Variants in RPS6KA1 observed in about 807,000 individuals in gnomAD.
RPS6KA1 encodes the protein ribosomal protein S6 kinase alpha-1.
In RPS6KA1, 48 loss-of-function variants were observed where a neutral mutation model predicts 91.3. The ratio of observed to expected loss-of-function variants is 0.53; its 90% CI spans 0.42 to 0.67. RPS6KA1 has a LOEUF of 0.67. RPS6KA1 is among the 30% of genes least tolerant of loss of function. The probability of loss-of-function intolerance (pLI) is 0.00; values close to 1 mark genes in which losing one functional copy is unlikely to be tolerated. For synonymous variants in RPS6KA1, 359 were observed against 384.7 expected, an observed-to-expected ratio of 0.93 and a Z score of 0.78; for missense variants, 719 against 960.5, an observed-to-expected ratio of 0.75 and a Z score of 3.32.
intron 14 of RPS6KA1, among the ~76,000 whole-genome samples, chr1:26,559,174 T>C (rs1337925418): frequency 6.6e-6 from 1 of 152,066 alleles, no homozygotes; most frequent in Non-Finnish European, 1.5e-5. Context: ...TGTCAGGAGG[T>C]GCCCAGGGTG....
chr1:26,561,452 G>A lies in RPS6KA1; in HGVS notation c.1432-53G>A, dbSNP rs2076153478. On this transcript the variant is annotated intron_variant, in intron 16 of 21. Coordinates refer to ENST00000374168, the MANE Select transcript of RPS6KA1 (RefSeq NM_002953.4). The surrounding 1 kb of genome is among the most constrained non-coding windows in gnomAD (Gnocchi z 5.7). ...CCTGCTCTGGGGCGCTGCTGACCAGGGGGCTCAGGCCTGACACTGGGGAGA... is the reference window on the plus strand; with the variant it reads ...CCTGCTCTGGGGCGCTGCTGACCAGAGGGCTCAGGCCTGACACTGGGGAGA... The A allele has an allele frequency of 8.1e-6, 13 of 1,611,650 alleles. No homozygotes were observed. The highest frequency in any genetic ancestry group is 9.3e-6 in the Non-Finnish European group (11 of 1,178,028).
chr1:26,529,998 CG>C lies in RPS6KA1; in HGVS notation c.63+20del. ...TGGACCCGGAGGTGAGTGAGCGGGGCGGGGGACGGGCGCCCGCGGCCGGCGA... is the reference window on the plus strand; with the variant it reads ...TGGACCCGGAGGTGAGTGAGCGGGGCGGGGACGGGCGCCCGCGGCCGGCGA... On this transcript the variant is annotated intron_variant, in intron 1 of 21. Coordinates refer to ENST00000374168, the MANE Select transcript of RPS6KA1 (RefSeq NM_002953.4). The surrounding 1 kb of genome is among the most constrained non-coding windows in gnomAD (Gnocchi z 4.2). 3.0e-6 allele frequency: 4 copies of C among 1,343,300 alleles called. No homozygotes were observed. The highest frequency in any genetic ancestry group is 6.7e-5 in the Admixed American group (2 of 29,986). 83.2% of individuals were successfully genotyped at this position (1,343,300 alleles called of 1,614,324 possible). A position where few individuals can be genotyped will look rare whatever the true frequency, so the allele number is the denominator to read the frequency against.
At position 26,555,751 on chromosome 1, in the gene RPS6KA1, CG is replaced by C; in HGVS notation, c.916+129del. ...TCCTTTGTGTGGGCAGACAATGCCG[CG>C]GGCCACCCTGCTTTCTGGCTCCATG... On this transcript the variant is annotated intron_variant, in intron 11 of 21. Transcript: ENST00000374168. This position sits in a 1 kb window ranked among gnomAD's most constrained non-coding sequence, Gnocchi z 4.3. The C allele has an allele frequency of 1.1e-6, 1 of 901,734 alleles. No individual in the cohort carries two copies. Among genetic ancestry groups the C allele is most frequent in the Non-Finnish European group, 1.8e-6 (1 of 566,786 alleles). 55.9% of individuals were successfully genotyped at this position (901,734 alleles called of 1,614,324 possible).
chr1:26,548,933 T>G (rs1202964260), intron 4 of RPS6KA1, among the ~76,000 whole-genome samples: 1 of 151,856 alleles, frequency 6.6e-6, no homozygotes, highest in Non-Finnish European at 1.5e-5. Flanking sequence ...CAGCCCTGTG[T>G]GCTGACATAG....
At chr1:26,570,984 A>G (rs1310968761) in intron 17 of RPS6KA1, among the ~76,000 whole-genome samples, 2 of 150,716 alleles carry the variant, frequency 1.3e-5, no homozygotes, top group Non-Finnish European at 1.5e-5. Context: ...TCAGCCAGCC[A>G]TGGCGGCGGG....
rs1418872182 is a variant in RPS6KA1, at chr1:26,574,847, CCA to C, written c.*647_*648del. 4.8e-6 allele frequency: 1 copy of C among 208,260 alleles called. No homozygotes were observed. The highest frequency in any genetic ancestry group is 1.0e-5 in the Non-Finnish European group (1 of 100,256). 12.9% of individuals were successfully genotyped at this position (208,260 alleles called of 1,614,324 possible). On this transcript the variant is annotated 3_prime_UTR_variant, in exon 22 of 22. Transcript: ENST00000374168. The surrounding 1 kb of genome is among the most constrained non-coding windows in gnomAD (Gnocchi z 4.3). The stretch of plus-strand genomic sequence containing the variant: ...TCCCCTGCGGTCAGGCTGGGCAGCC[CCA>C]GAGAGAGGATGTGGAAAGCACTTTT...
At chr1:26,573,785 A>G (rs2076271129) in intron 21 of RPS6KA1, among the ~76,000 whole-genome samples, 1 of 152,048 alleles carries the variant, frequency 6.6e-6, no homozygotes, top group Non-Finnish European at 1.5e-5. Flanking sequence ...TAAAAATACA[A>G]AAATTAGCCA....
chr1:26,570,408 A>C (rs2076239345), intron 17 of RPS6KA1, among the ~76,000 whole-genome samples: 1 of 152,146 alleles, frequency 6.6e-6, no homozygotes, highest in Non-Finnish European at 1.5e-5. Flanking sequence ...GGATCACTTG[A>C]GCTCAGAGAT....
intron 1 of RPS6KA1, among the ~76,000 whole-genome samples, chr1:26,535,158 C>T (rs977620579): frequency 6.6e-6 from 1 of 152,106 alleles, no homozygotes; most frequent in African/African-American, 2.4e-5. Context: ...CCTGACCAAC[C>T]CATCCCTTCT....
At chr1:26,545,768 C>G in intron 2 of RPS6KA1, 1 of 1,296,710 alleles carries the variant, frequency 7.7e-7, no homozygotes, top group Non-Finnish European at 1.0e-6. Context: ...ACCACAGGCC[C>G]TGAGTGATTG....
chr1:26,533,149 G>A (rs2075879851), intron 1 of RPS6KA1, among the ~76,000 whole-genome samples: 2 of 152,026 alleles, frequency 1.3e-5, no homozygotes, highest in African/African-American at 4.8e-5. Flanking sequence ...GCGTGATCTC[G>A]GCTCACTGCA....
intron 2 of RPS6KA1, among the ~76,000 whole-genome samples, chr1:26,545,478 G>C (rs1012581161): frequency 6.6e-6 from 1 of 151,590 alleles, no homozygotes; most frequent in Admixed American, 6.6e-5. Context: ...ATTCTTACCT[G>C]TTTCCACCTG....
At chr1:26,531,640 C>T (rs1434473939) in intron 1 of RPS6KA1, among the ~76,000 whole-genome samples, 1 of 152,184 alleles carries the variant, frequency 6.6e-6, no homozygotes, top group Non-Finnish European at 1.5e-5. Flanking sequence ...GAGGGGAAGA[C>T]CAGCGGACTT....
chr1:26,568,037 A>G (rs2076219147), intron 17 of RPS6KA1, among the ~76,000 whole-genome samples: 1 of 152,106 alleles, frequency 6.6e-6, no homozygotes. Flanking sequence ...GCCTACACAT[A>G]TATTTTGTTT....
chr1:26,554,430 T>C lies in RPS6KA1; in HGVS notation c.614-166T>C. 3 of 1,131,858 alleles carry C rather than the reference T, an allele frequency of 2.7e-6. No homozygotes were observed. The highest frequency in any genetic ancestry group is 3.8e-6 in the Non-Finnish European group (3 of 783,318). The allele number at this position is 1,131,858 out of a possible 1,614,324, so 70.1% of individuals were successfully genotyped here. ...CTCAGCTGGAATCCCAGCCCCTCAT[T>C]GTGTAACGTTGAGCAAGTCACCTGA... On this transcript the variant is annotated intron_variant, in intron 8 of 21. Coordinates refer to ENST00000374168, the MANE Select transcript of RPS6KA1 (RefSeq NM_002953.4). This position sits in a 1 kb window ranked among gnomAD's most constrained non-coding sequence, Gnocchi z 4.6.
At chr1:26,532,142 C>T (rs1214346498) in intron 1 of RPS6KA1, among the ~76,000 whole-genome samples, 9 of 152,108 alleles carry the variant, frequency 5.9e-5, no homozygotes, top group African/African-American at 2.2e-4. Context: ...GAGGCAGGGC[C>T]TGGCCCAGGG....
At chr1:26,552,115 C>T (rs772428222) in intron 6 of RPS6KA1, among the ~76,000 whole-genome samples, 2 of 152,116 alleles carry the variant, frequency 1.3e-5, no homozygotes, top group African/African-American at 4.8e-5. Context: ...TGAGGCTGGG[C>T]GCAGCGGCTC....
intron 2 of RPS6KA1, chr1:26,545,800 C>T (rs2124627193): frequency 7.1e-7 from 1 of 1,402,374 alleles, no homozygotes; most frequent in East Asian, 2.9e-5. Flanking sequence ...CCAGGCCCAG[C>T]CCCCGCCCTT....
At chr1:26,549,877 T>G (rs1420758766) in intron 4 of RPS6KA1, among the ~76,000 whole-genome samples, 2 of 148,692 alleles carry the variant, frequency 1.3e-5, no homozygotes, top group African/African-American at 5.0e-5. Context: ...AATTTTTGTA[T>G]ATATATTTTT....
Sources: gnomAD v4.1 joint callset for allele counts (sites outside exome capture counted in the v4.1 genomes callset) on GRCh38, gnomAD v4.1.1 for gene constraint, Gnocchi (gnomAD v3.1) non-coding constraint, MANE v1.5 for transcripts, NCBI Gene and HGNC (gene_info 2026-07-23, HGNC 2026-07-21) for gene names.